The following TSC22D1 variants were observed in gnomAD, a reference collection of about 807,000 sequenced individuals.
TSC22D1 encodes the protein TSC22 domain family member 1.
In TSC22D1, 9 loss-of-function variants were observed where a neutral mutation model predicts 74.2. That is an observed-to-expected ratio of 0.12 (90% confidence interval 0.07 to 0.21). The LOEUF (loss-of-function observed/expected upper bound fraction) is 0.21. Ranked by LOEUF, TSC22D1 falls within the 10% of genes least tolerant of loss-of-function variation. The pLI is 1.00. For synonymous variants in TSC22D1, 586 were observed against 492.5 expected (o/e 1.19, Z -2.51); for missense variants, 1,427 against 1,304.7 (o/e 1.09, Z -1.44).
intron 1 of TSC22D1, among the ~76,000 whole-genome samples, chr13:44,471,675 G>A (rs1251720829): frequency 6.6e-6 from 1 of 152,192 alleles, no homozygotes; most frequent in Non-Finnish European, 1.5e-5. Context: ...ACCACTGGCA[G>A]TTTCAGAGCA....
chr13:44,447,389 A>T (rs1345709701), intron 1 of TSC22D1, among the ~76,000 whole-genome samples: 1 of 152,110 alleles, frequency 6.6e-6, no homozygotes, highest in African/African-American at 2.4e-5. Context: ...CATTGAGGAG[A>T]CCTAAAAATG....
chr13:44,573,916 A>T lies in TSC22D1; in HGVS notation c.2159T>A (p.Val720Glu), dbSNP rs779313918. Residue 720 changes from valine to glutamate, a missense_variant, in exon 1 of 3, where the codon GTG becomes GAG. By Grantham distance (121) the Val-to-Glu change is moderately radical (BLOSUM62 -2). Coordinates refer to ENST00000458659, the MANE Select transcript of TSC22D1 (RefSeq NM_183422.4). ...CTGACTGCCAGTAGGTACAGCAGAC[A>T]CTGCTGCCGGAGCCTGGCCAACAGG... ...VQPVGQAPAA[V>E]SAVPTGSQIA... The T allele has an allele frequency of 5.6e-6, 9 of 1,614,212 alleles. No individual in the cohort carries two copies. Among genetic ancestry groups the T allele is most frequent in the Non-Finnish European group, 7.6e-6 (9 of 1,180,050 alleles).
rs774619429 is a variant in TSC22D1, at chr13:44,573,689, A to G, written c.2386T>C (p.Leu796=). The change falls in exon 1 of 3, where the codon TTG becomes CTG. Residue 796 remains leucine, a synonymous_variant. Transcript: ENST00000458659. The stretch of plus-strand genomic sequence containing the variant: ...TGTGGCTGGGGAGGCACAGTTAACA[A>G]GGAACTTTGGGATGCAATAACCAAT... The part of the protein sequence containing the change: ...QQLVIASQSS[L]LTVPPQPQGV... The G allele has an allele frequency of 2.5e-6, 4 of 1,614,232 alleles. No homozygotes were observed. The highest frequency in any genetic ancestry group is 3.4e-6 in the Non-Finnish European group (4 of 1,180,036).
In TSC22D1 at chr13:44,533,715, G is replaced by A. The variant is rs546832447; in HGVS notation, c.2912+39448C>T. On this transcript the variant is annotated intron_variant, in intron 1 of 2. Transcript: ENST00000458659. The stretch of plus-strand genomic sequence containing the variant: ...GGAGAATCACTTGAACCCAGGAGGT[G>A]GTGGTTGCAGTGAGCTGAGGTTGCC... Among the ~76,000 whole-genome samples the A allele has an allele frequency of 9.9e-5, 15 of 152,118 alleles. No individual in the cohort carries two copies. The South Asian group carries it at 2.1e-3, about 21-fold the overall frequency.
chr13:44,483,117 C>T (rs543772581), intron 1 of TSC22D1, among the ~76,000 whole-genome samples: 1 of 152,162 alleles, frequency 6.6e-6, no homozygotes, highest in Admixed American at 6.5e-5. Context: ...TACGAATACA[C>T]TTAATAATGT....
Position 44,574,837 on chromosome 13 carries a change from T to A in TSC22D1, c.1238A>T (p.Asp413Val). The A allele has an allele frequency of 6.2e-7, 1 of 1,614,172 alleles. No homozygotes were observed. The highest frequency in any genetic ancestry group is 8.5e-7 in the Non-Finnish European group (1 of 1,180,034). Residue 413 changes from aspartate to valine, a missense_variant, in exon 1 of 3, where the codon GAT (aspartate) becomes GTT (valine). Physicochemically the swap from Asp to Val is radical, Grantham distance 152. This residue lies in a region of TSC22D1 where 1,343 missense variants were observed against 1,191.5 expected (regional missense o/e 1.13). Transcript: ENST00000458659. ...NTSRFRVVKL[D>V]SSSEPFKKGR... ...TTTTTTAAAGGGCTCAGAACTAGAA[T>A]CTAACTTCACAACTCTGAACCTCGA...
intron 1 of TSC22D1, chr13:44,436,965 C>G: frequency 9.9e-7 from 1 of 1,009,436 alleles, no homozygotes; most frequent in Non-Finnish European, 1.2e-6. Flanking sequence ...TCCCGCTTCC[C>G]TGCTTCCCCG....
chr13:44,540,510 T>G (rs1881403804), intron 1 of TSC22D1, among the ~76,000 whole-genome samples: 1 of 152,140 alleles, frequency 6.6e-6, no homozygotes, highest in Non-Finnish European at 1.5e-5. Flanking sequence ...ATGACTACTG[T>G]CACTGAAAAG....
At chr13:44,462,312 A>T (rs1021698232) in intron 1 of TSC22D1, among the ~76,000 whole-genome samples, 1 of 152,216 alleles carries the variant, frequency 6.6e-6, no homozygotes, top group Non-Finnish European at 1.5e-5. Context: ...TATTTTACAA[A>T]CATTTTTGGA....
chr13:44,452,055 C>T (rs942643778), intron 1 of TSC22D1, among the ~76,000 whole-genome samples: 1 of 152,154 alleles, frequency 6.6e-6, no homozygotes, highest in Non-Finnish European at 1.5e-5. Flanking sequence ...CATGTCAATT[C>T]CAAATTGCTA....
chr13:44,518,483 A>T (rs1880158845), intron 1 of TSC22D1, among the ~76,000 whole-genome samples: 1 of 152,216 alleles, frequency 6.6e-6, no homozygotes, highest in African/African-American at 2.4e-5. Flanking sequence ...TAAAAGTTCA[A>T]AGATGTTGGA....
rs868459444 is a variant in TSC22D1 at position 44,573,600 on chromosome 13, G to A, written c.2475C>T (p.Pro825=). The change falls in exon 1 of 3, where the codon CCC becomes CCT. Residue 825 remains proline (P), a synonymous_variant. Coordinates refer to ENST00000458659, the MANE Select transcript of TSC22D1 (RefSeq NM_183422.4). Reference sequence around the variant, plus strand: ...TTGTAACAGAAATACTACTAGCAGAGGGCAAAGAACTAACTGCAGGCAACT... The same window carrying A: ...TTGTAACAGAAATACTACTAGCAGAAGGCAAAGAACTAACTGCAGGCAACT... The part of the protein sequence containing the change: ...SQQLPAVSSL[P]SASSISVTSQ... The A allele has an allele frequency of 1.1e-5, 18 of 1,614,236 alleles. 1 individual carries two copies. The Middle Eastern group carries it at 3.0e-3, about 266-fold the overall frequency.
intron 1 of TSC22D1, among the ~76,000 whole-genome samples, chr13:44,461,879 A>G (rs1041891866): frequency 2.0e-5 from 3 of 152,178 alleles, no homozygotes; most frequent in Admixed American, 6.5e-5. Flanking sequence ...GCCTTTAGGA[A>G]ATAGGAGCAC....
intron 1 of TSC22D1, among the ~76,000 whole-genome samples, chr13:44,444,953 A>T (rs1210775318): frequency 6.6e-6 from 1 of 152,184 alleles, no homozygotes; most frequent in African/African-American, 2.4e-5. Flanking sequence ...CCTCAAGCTC[A>T]AATGGTTTCA....
chr13:44,482,789 T>C (rs368413833), intron 1 of TSC22D1, among the ~76,000 whole-genome samples: 2 of 152,226 alleles, frequency 1.3e-5, no homozygotes, highest in African/African-American at 2.4e-5. Context: ...GATAAAAATA[T>C]AGTTATTGAA....
At chr13:44,471,630 G>A (rs555815905) in intron 1 of TSC22D1, among the ~76,000 whole-genome samples, 1 of 152,170 alleles carries the variant, frequency 6.6e-6, no homozygotes, top group South Asian at 2.1e-4. Flanking sequence ...TGACGTATAA[G>A]AGAATAGTTC....
At chr13:44,512,330 C>A (rs899419137) in intron 1 of TSC22D1, among the ~76,000 whole-genome samples, 1 of 151,922 alleles carries the variant, frequency 6.6e-6, no homozygotes, top group Admixed American at 6.6e-5. Context: ...TCACCGCGCC[C>A]GGCTAATTTT....
At chr13:44,537,372 A>C in intron 1 of TSC22D1, 1 of 985,198 alleles carries the variant, frequency 1.0e-6, no homozygotes, top group Non-Finnish European at 1.2e-6. Flanking sequence ...CTAGAAATGC[A>C]CTTACATTTC....
chr13:44,517,763 GTATATA>G (rs1240121290), intron 1 of TSC22D1, among the ~76,000 whole-genome samples: 2 of 120,110 alleles, frequency 1.7e-5, no homozygotes, highest in South Asian at 5.3e-4. Flanking sequence ...ATGTGTGTGT[GTATATA>G]TATATATACA....
Sources: gnomAD v4.1 joint callset for allele counts (sites outside exome capture counted in the v4.1 genomes callset) on GRCh38, gnomAD v4.1.1 for gene constraint, gnomAD v4.1.1 regional missense constraint, MANE v1.5 for transcripts, NCBI Gene and HGNC (gene_info 2026-07-23, HGNC 2026-07-21) for gene names.